NRXN3: variants seen among roughly 807,000 people sequenced by gnomAD.
NRXN3 encodes the protein neurexin III.
Under a neutral mutation model 137.6 loss-of-function variants are expected in NRXN3, and 32 were observed. The ratio of observed to expected loss-of-function variants is 0.23; its 90% CI spans 0.18 to 0.31. NRXN3 has a LOEUF of 0.31. NRXN3 is among the 10% of genes least tolerant of loss of function. The pLI is 1.00. For missense variants in NRXN3, 1,574 were observed against 2,062.5 expected (o/e 0.76, Z 4.59); for synonymous variants, 798 against 784.5 (o/e 1.02, Z -0.29).
intron 2 of NRXN3, among the ~76,000 whole-genome samples, chr14:78,274,125 G>A (rs1002558622): frequency 3.3e-5 from 5 of 152,260 alleles, no homozygotes; most frequent in South Asian, 4.2e-4. Context: ...GGACTACCCC[G>A]GCTGAGCTAG....
intron 19 of NRXN3, among the ~76,000 whole-genome samples, chr14:79,715,155 G>A (rs181732684): frequency 8.5e-5 from 13 of 152,166 alleles, no homozygotes; most frequent in African/African-American, 1.2e-4. Context: ...GGGTTTCACC[G>A]TGTTAGCCAG....
At chr14:78,297,139 G>T (rs1287411991) in intron 3 of NRXN3, among the ~76,000 whole-genome samples, 1 of 152,172 alleles carries the variant, frequency 6.6e-6, no homozygotes, top group Non-Finnish European at 1.5e-5. Flanking sequence ...CTGATCAAGT[G>T]TGGAGGCCTT....
At chr14:79,092,267 C>G (rs2049351097) in intron 15 of NRXN3, among the ~76,000 whole-genome samples, 1 of 152,204 alleles carries the variant, frequency 6.6e-6, no homozygotes, top group Admixed American at 6.5e-5. Context: ...TCAGAGACCT[C>G]TCTATTTTTT....
At chr14:78,866,881 T>C (rs541784078) in intron 10 of NRXN3, among the ~76,000 whole-genome samples, 3 of 142,426 alleles carry the variant, frequency 2.1e-5, no homozygotes, top group Non-Finnish European at 3.0e-5. Flanking sequence ...CGTTGTAACC[T>C]CCGCCTCCCA....
At position 79,861,624 on chromosome 14, in the gene NRXN3, C is replaced by T. The variant is rs2099413988; in HGVS notation, c.4376C>T (p.Pro1459Leu). The change falls in exon 21 of 21, where the codon CCA (proline) becomes CTA (leucine). Residue 1459 changes from proline to leucine, a missense_variant. Around this residue, in one of 5 missense-constraint regions of NRXN3, gnomAD observed 320 missense variants for 387.1 expected, o/e 0.83. Coordinates refer to ENST00000335750, the MANE Select transcript of NRXN3 (RefSeq NM_001330195.2). This position sits in a 1 kb window ranked among gnomAD's most constrained non-coding sequence, Gnocchi z 5.4. Reference protein sequence around the residue: ...YELDSTKLKSPLITSPMFRNV... With the variant: ...YELDSTKLKSLLITSPMFRNV... ...CTAGACAGCACCAAACTGAAGAGCC[C>T]ACTAATTACTTCCCCCATGTTCCGT... is the stretch of plus-strand genomic sequence containing the variant. The T allele has an allele frequency of 6.2e-7, 1 of 1,614,034 alleles. No individual in the cohort carries two copies.
intron 8 of NRXN3, among the ~76,000 whole-genome samples, chr14:78,764,178 A>G (rs1004673109): frequency 1.3e-5 from 2 of 152,210 alleles, no homozygotes; most frequent in Non-Finnish European, 2.9e-5. Context: ...TGTGCATACA[A>G]TTTACAAACT....
At chr14:79,165,487 G>A (rs958234404) in intron 15 of NRXN3, among the ~76,000 whole-genome samples, 3 of 151,928 alleles carry the variant, frequency 2.0e-5, no homozygotes, top group Admixed American at 2.0e-4. Flanking sequence ...ATGCGATTTT[G>A]TGTGTTCTCA....
At chr14:79,082,391 TTG>T (rs57728169) in intron 15 of NRXN3, among the ~76,000 whole-genome samples, 68 of 147,022 alleles carry the variant, frequency 4.6e-4, no homozygotes, top group African/African-American at 1.6e-3. Context: ...TGCAAACTAA[TTG>T]TGTGTGTGTG....
intron 16 of NRXN3, among the ~76,000 whole-genome samples, chr14:79,479,767 C>T (rs2096590831): frequency 6.6e-6 from 1 of 152,002 alleles, no homozygotes; most frequent in Non-Finnish European, 1.5e-5. Context: ...CCTAATTACC[C>T]CCAAGCCACT....
intron 15 of NRXN3, among the ~76,000 whole-genome samples, chr14:79,018,707 T>A (rs1423915908): frequency 6.6e-6 from 1 of 152,224 alleles, no homozygotes; most frequent in Non-Finnish European, 1.5e-5. Context: ...TATGATTCTT[T>A]TTCTCTTTTC....
intron 4 of NRXN3, among the ~76,000 whole-genome samples, chr14:78,461,838 A>G (rs768622095): frequency 1.3e-5 from 2 of 152,256 alleles, no homozygotes; most frequent in Non-Finnish European, 2.9e-5. Context: ...ATTAGCAATC[A>G]GAATAATTGA....
At chr14:78,780,821 G>A (rs1010371120) in intron 8 of NRXN3, among the ~76,000 whole-genome samples, 1 of 152,158 alleles carries the variant, frequency 6.6e-6, no homozygotes, top group African/African-American at 2.4e-5. Context: ...TTGGCAGGGA[G>A]GAGAACTAAG....
At chr14:79,690,498 A>C (rs955286655) in intron 17 of NRXN3, among the ~76,000 whole-genome samples, 1 of 152,026 alleles carries the variant, frequency 6.6e-6, no homozygotes, top group African/African-American at 2.4e-5. Flanking sequence ...TTCCTATTGC[A>C]TTTTATTTTT....
chr14:79,362,726 A>G (rs1489300145), intron 15 of NRXN3, among the ~76,000 whole-genome samples: 4 of 152,226 alleles, frequency 2.6e-5, no homozygotes, highest in Admixed American at 1.3e-4. Context: ...GTATACAAGC[A>G]ATGCCGAGTT....
chr14:78,413,923 G>C (rs1285262453), intron 4 of NRXN3, among the ~76,000 whole-genome samples: 1 of 152,134 alleles, frequency 6.6e-6, no homozygotes, highest in African/African-American at 2.4e-5. Flanking sequence ...CTGAATCATG[G>C]GGGCAGGTTT....
chr14:79,623,849 GTTTTTTTTT>G (rs571687023), intron 16 of NRXN3, among the ~76,000 whole-genome samples: 5 of 98,026 alleles, frequency 5.1e-5, no homozygotes, highest in African/African-American at 1.9e-4. Context: ...CTTAGCTCCT[GTTTTTTTTT>G]TTTTTTTTTT....
At chr14:78,733,174 C>T (rs568249077) in intron 8 of NRXN3, among the ~76,000 whole-genome samples, 1 of 152,084 alleles carries the variant, frequency 6.6e-6, no homozygotes, top group South Asian at 2.1e-4. Flanking sequence ...CTGAATTAGA[C>T]ACCAAGCTCA....
chr14:79,391,366 T>G (rs60351460), intron 15 of NRXN3, among the ~76,000 whole-genome samples: 1 of 152,176 alleles, frequency 6.6e-6, no homozygotes, highest in East Asian at 1.9e-4. Context: ...TGCCATTTAC[T>G]GGGATGGGGA....
Position 78,250,118 on chromosome 14 carries a change from G to T in NRXN3, c.709+6316G>T, listed in dbSNP as rs766684355. 14 of 516,146 alleles carry T rather than the reference G, an allele frequency of 2.7e-5. No individual in the cohort carries two copies. In the Middle Eastern group the frequency reaches 2.8e-3, roughly 105 times the overall value. The allele number at this position is 516,146 out of a possible 1,614,324, so 32.0% of individuals were successfully genotyped here. ...TGGATAAGGAAGCTCGGGGCAAGAG[G>T]TTAAATAACTTGCCCAAGATTGTGC... On this transcript the variant is annotated intron_variant, in intron 2 of 20. Transcript: ENST00000335750.
Sources: gnomAD v4.1 joint callset for allele counts (sites outside exome capture counted in the v4.1 genomes callset) on GRCh38, gnomAD v4.1.1 for gene constraint, gnomAD v4.1.1 regional missense constraint, Gnocchi (gnomAD v3.1) non-coding constraint, MANE v1.5 for transcripts, NCBI Gene and HGNC (gene_info 2026-07-23, HGNC 2026-07-21) for gene names.